RUBCN: variants seen among roughly 807,000 people sequenced by gnomAD.
RUBCN encodes the protein rubicon autophagy regulator, also known as run domain Beclin-1-interacting and cysteine-rich domain-containing protein.
A neutral mutation model predicts 113.2 loss-of-function variants in RUBCN; 74 were observed. That is an observed-to-expected ratio of 0.65 (90% CI 0.54 to 0.79). RUBCN has a LOEUF of 0.79. Ranked by LOEUF, RUBCN falls within the 30% of genes least tolerant of loss-of-function variation. The pLI, the probability that RUBCN is intolerant of heterozygous loss-of-function variation, is 0.00. For synonymous variants in RUBCN, 480 were observed against 490.0 expected (o/e 0.98, Z 0.27); for missense variants, 1,109 against 1,251.7 (o/e 0.89, Z 1.72).
At chr3:197,716,461 G>A (rs1321937526) in intron 2 of RUBCN, among the ~76,000 whole-genome samples, 3 of 152,174 alleles carry the variant, frequency 2.0e-5, no homozygotes, top group African/African-American at 7.2e-5. Flanking sequence ...ATGCATGAAA[G>A]TCAGAAATAA....
At chr3:197,732,193 CA>C (rs1169372596) in intron 1 of RUBCN, among the ~76,000 whole-genome samples, 1 of 152,234 alleles carries the variant, frequency 6.6e-6, no homozygotes, top group Non-Finnish European at 1.5e-5. Flanking sequence ...ACCTGAGCTG[CA>C]AGCTCAGCAG....
chr3:197,699,493 C>T lies in RUBCN; in HGVS notation c.1261+1120G>A, dbSNP rs368990119. Among the ~76,000 whole-genome samples, 210 of 152,142 alleles carry T rather than the reference C, an allele frequency of 1.4e-3. 1 individual carries two copies. The highest frequency in any genetic ancestry group is 4.9e-3 in the African/African-American group (202 of 41,514). On this transcript the variant is annotated intron_variant, in intron 7 of 19. Transcript: ENST00000296343. ...AATCCATATGGATTCAAGAATGGGG[C>T]GGGAAAGTTTTACATGCTCAAAGGC... is the stretch of plus-strand genomic sequence containing the variant.
At chr3:197,691,386 G>A (rs1175748335) in intron 11 of RUBCN, among the ~76,000 whole-genome samples, 3 of 151,966 alleles carry the variant, frequency 2.0e-5, no homozygotes, top group Admixed American at 2.0e-4. Context: ...AGCCACGGGT[G>A]ATTATGGCAA....
chr3:197,736,579 G>T, intron 1 of RUBCN, 76 bp downstream of exon 1: 1 of 1,441,300 alleles, frequency 6.9e-7, no homozygotes, highest in Non-Finnish European at 9.4e-7. Context: ...TTCTCTCCGT[G>T]ACCCCGCGCC....
chr3:197,706,475 A>T lies in RUBCN; in HGVS notation c.220-1300T>A, dbSNP rs549377686. Reference sequence around the variant, plus strand: ...AGGTGAGCGGATCACTTGAGCCCAGAGTTTGAGACCAGCCTGGGCAACATA... The same window carrying T: ...AGGTGAGCGGATCACTTGAGCCCAGTGTTTGAGACCAGCCTGGGCAACATA... On this transcript the variant is annotated intron_variant, in intron 2 of 19. Coordinates refer to ENST00000296343, the MANE Select transcript of RUBCN (RefSeq NM_014687.4). Among the ~76,000 whole-genome samples, 31 of 152,110 alleles carry T rather than the reference A, an allele frequency of 2.0e-4. No homozygotes were observed. The South Asian group carries it at 6.5e-3, about 32-fold the overall frequency.
chr3:197,710,628 C>A (rs77027472), intron 2 of RUBCN, among the ~76,000 whole-genome samples: 20,775 of 149,340 alleles, frequency 0.14, 2,168 homozygotes, highest in African/African-American at 0.29. Flanking sequence ...GAAATGTCAA[C>A]AGACAAACTA....
chr3:197,724,362 A>T (rs1433077087), intron 1 of RUBCN, among the ~76,000 whole-genome samples: 2 of 149,338 alleles, frequency 1.3e-5, no homozygotes, highest in East Asian at 3.9e-4. Context: ...CATAATCACT[A>T]AAAACATGAC....
At chr3:197,701,256 C>T (rs7612230) in intron 6 of RUBCN, 110 bp from the exon 7 acceptor site, 106,183 of 956,440 alleles carry the variant, frequency 0.11, 8,121 homozygotes, top group African/African-American at 0.35. Flanking sequence ...AAACGGCAAG[C>T]CAAATAAAGT....
At chr3:197,739,307 C>CG (rs1302520007), upstream of RUBCN, among the ~76,000 whole-genome samples, 86 of 149,340 alleles carry the variant, frequency 5.8e-4, no homozygotes, top group Middle Eastern at 3.6e-3. Flanking sequence ...AGGAGAATGG[C>CG]TTGAACCCAG....
In RUBCN at chr3:197,703,613, G is replaced by A. The variant is rs778161146; in HGVS notation, c.505C>T (p.Leu169=). ...TGTTCCACTGCTTCCAGGCACTGCA[G>A]CATGGCCGTGACATGAGCGTCACTT... ...LLSDAHVTAM[L]QCLEAVEQNN... Residue 169 remains leucine (L), a synonymous_variant, in exon 5 of 20, where the codon CTG becomes TTG. Transcript: ENST00000296343. 2 of 1,613,772 alleles carry A rather than the reference G, an allele frequency of 1.2e-6. No homozygotes were observed. The highest frequency in any genetic ancestry group is 1.7e-6 in the Non-Finnish European group (2 of 1,179,930).
chr3:197,749,508 C>A lies in RUBCN; in HGVS notation c.-355G>T, dbSNP rs1310611118. 8 of 1,288,644 alleles carry A rather than the reference C, an allele frequency of 6.2e-6. No individual in the cohort carries two copies. The East Asian group carries it at 4.4e-4, about 72-fold the overall frequency. The allele number at this position is 1,288,644 out of a possible 1,614,324, so 79.8% of individuals were successfully genotyped here. A position where few individuals can be genotyped will look rare whatever the true frequency, so the allele number is the denominator to read the frequency against. ...CTGGGATGCAGCTGCAATCTACACT[C>A]GCAGGGGTCTGTCCTGCCTCCCGAG... is the stretch of plus-strand genomic sequence containing the variant. On this transcript the variant is annotated 5_prime_UTR_variant, in exon 1 of 21. Coordinates refer to the RUBCN transcript ENST00000273582.
Position 197,683,194 on chromosome 3 carries a change from G to A in RUBCN, c.1980+113C>T, listed in dbSNP as rs1016365777. 2.7e-5 allele frequency: 35 copies of A among 1,298,894 alleles called. No individual in the cohort carries two copies. Among genetic ancestry groups the A allele is most frequent in the South Asian group, 8.3e-5 (7 of 84,198 alleles). The allele number at this position is 1,298,894 out of a possible 1,614,324, so 80.5% of individuals were successfully genotyped here. On this transcript the variant is annotated intron_variant, in intron 13 of 19. Coordinates refer to ENST00000296343, the MANE Select transcript of RUBCN (RefSeq NM_014687.4). This position sits in a 1 kb window ranked among gnomAD's most constrained non-coding sequence, Gnocchi z 4.6. ...ACACATTGTAATGAATGGCTTCCAC[G>A]AGTAAGGGGGGAACACCCAGGCTCA...
At chr3:197,718,644 T>A (rs754117446) in intron 1 of RUBCN, among the ~76,000 whole-genome samples, 2 of 151,862 alleles carry the variant, frequency 1.3e-5, no homozygotes, top group East Asian at 3.9e-4. Context: ...AGAGATGGGG[T>A]CTCACTATGC....
At chr3:197,749,819 G>T, upstream of RUBCN, 1 of 476,464 alleles carries the variant, frequency 2.1e-6, no homozygotes. Context: ...AGTGTCGGTG[G>T]CCCCGCCCCG....
At chr3:197,744,150 A>G (rs956063865) in intron 1 of RUBCN, among the ~76,000 whole-genome samples, 3 of 152,122 alleles carry the variant, frequency 2.0e-5, no homozygotes, top group African/African-American at 7.2e-5. Context: ...TTTGAAAAGC[A>G]AAAGAGTTAA....
intron 1 of RUBCN, among the ~76,000 whole-genome samples, chr3:197,723,367 G>A (rs910531087): frequency 3.3e-5 from 5 of 151,982 alleles, no homozygotes; most frequent in Non-Finnish European, 2.9e-5. Flanking sequence ...TGTATTTTTA[G>A]TAGAGACGGG....
At chr3:197,739,359 C>G (rs1486637457), upstream of RUBCN, among the ~76,000 whole-genome samples, 2 of 146,974 alleles carry the variant, frequency 1.4e-5, no homozygotes, top group African/African-American at 5.0e-5. Context: ...CTACTGCACT[C>G]CAGCCTGGGC....
At chr3:197,747,458 T>C (rs983229475) in intron 1 of RUBCN, among the ~76,000 whole-genome samples, 31 of 151,766 alleles carry the variant, frequency 2.0e-4, no homozygotes, top group African/African-American at 7.5e-4. Flanking sequence ...TGGGCTCAAG[T>C]GATCCACCTG....
chr3:197,696,867 G>C (rs900649757), intron 8 of RUBCN, 87 bp downstream of exon 8: 2 of 779,814 alleles, frequency 2.6e-6, no homozygotes, highest in Non-Finnish European at 4.7e-6. Context: ...AGAGAGCTGA[G>C]ATGAACCCCA....
Sources: gnomAD v4.1 joint callset for allele counts (sites outside exome capture counted in the v4.1 genomes callset) on GRCh38, gnomAD v4.1.1 for gene constraint, Gnocchi (gnomAD v3.1) non-coding constraint, MANE v1.5 for transcripts, NCBI Gene and HGNC (gene_info 2026-07-23, HGNC 2026-07-21) for gene names.